The following ZKSCAN7 variants were observed in gnomAD, a reference collection of about 807,000 sequenced individuals.
ZKSCAN7 encodes zinc finger protein with KRAB and SCAN domains 7.
ZKSCAN7 carries 38 observed loss-of-function variants against 65.3 expected under a neutral mutation model. The observed-to-expected ratio is 0.58, with a 90% CI of 0.45 to 0.76. ZKSCAN7 has a LOEUF of 0.76. Ranked by LOEUF, ZKSCAN7 falls within the 30% of genes least tolerant of loss-of-function variation. ZKSCAN7 has a pLI of 0.00. For missense variants in ZKSCAN7, 815 were observed against 913.3 expected, an observed-to-expected ratio of 0.89 and a Z score of 1.39; for synonymous variants, 321 against 321.0, an observed-to-expected ratio of 1.00 and a Z score of 0.00.
chr3:44,573,314 GAC>G (rs1276019752), downstream of ZKSCAN7, among the ~76,000 whole-genome samples: 4 of 152,198 alleles, frequency 2.6e-5, no homozygotes, highest in Non-Finnish European at 5.9e-5. Flanking sequence ...TCCACAGTGT[GAC>G]AGAGTAGAGG....
chr3:44,582,722 C>T lies in ZKSCAN7; in HGVS notation c.812-250C>T, dbSNP rs528504892. ...TTAACATATATTCTAGTGACCCTTACGTTCTCTAAAATTTGAGAATTACTG... is the reference window on the plus strand; with the variant it reads ...TTAACATATATTCTAGTGACCCTTATGTTCTCTAAAATTTGAGAATTACTG... On this transcript the variant is annotated intron_variant, in intron 5 of 5. Coordinates refer to the ZKSCAN7 transcript ENST00000341840. 1.1e-4 allele frequency among the ~76,000 whole-genome samples: 17 copies of T among 152,188 alleles called. No homozygotes were observed. The South Asian group carries it at 1.7e-3, about 15-fold the overall frequency.
downstream of ZKSCAN7, among the ~76,000 whole-genome samples, chr3:44,575,024 G>A (rs1163537948): frequency 6.6e-6 from 1 of 152,080 alleles, no homozygotes; most frequent in Non-Finnish European, 1.5e-5. Flanking sequence ...CAGGTGTGGT[G>A]GCTCACACCT....
intron 5 of ZKSCAN7, chr3:44,580,950 A>T (rs1700064019): frequency 2.5e-6 from 4 of 1,612,312 alleles, no homozygotes; most frequent in Non-Finnish European, 3.4e-6. Flanking sequence ...GCGGGGCTGG[A>T]AGCAGTTCTG....
chr3:44,580,877 G>A (rs72860788), intron 5 of ZKSCAN7: 17 of 1,613,082 alleles, frequency 1.1e-5, no homozygotes, highest in Non-Finnish European at 1.4e-5. Context: ...GAGCCAGGAG[G>A]AGCCAACCGC....
intron 5 of ZKSCAN7, chr3:44,579,817 G>A (rs1374331008): frequency 3.1e-6 from 5 of 1,613,026 alleles, no homozygotes; most frequent in Non-Finnish European, 3.4e-6. Context: ...GGACAAACCA[G>A]TGTTTCTTCC....
At chr3:44,562,981 A>C (rs1037573937) in intron 2 of ZKSCAN7, among the ~76,000 whole-genome samples, 69 of 146,536 alleles carry the variant, frequency 4.7e-4, no homozygotes, top group Non-Finnish European at 7.4e-4. Flanking sequence ...AAAAACAAAA[A>C]AAAAAAAAGG....
At position 44,556,948 on chromosome 3, in the gene ZKSCAN7, C is replaced by G. The variant is rs950409766; in HGVS notation, c.-100C>G. On this transcript the variant is annotated 5_prime_UTR_variant, in exon 2 of 6. Transcript: ENST00000426540. ...TCTGTAGGCCACACTACCATCACCC[C>G]TTTCTCCAACCCTGAAAAACAGTTC... is the stretch of plus-strand genomic sequence containing the variant. 4 of 1,523,962 alleles carry G rather than the reference C, an allele frequency of 2.6e-6. No individual in the cohort carries two copies. The African/African-American group carries it at 5.6e-5, about 21-fold the overall frequency. 94.4% of individuals were successfully genotyped at this position (1,523,962 alleles called of 1,614,324 possible).
chr3:44,557,613 G>A, intron 2 of ZKSCAN7, 143 bp downstream of exon 2: 1 of 1,134,374 alleles, frequency 8.8e-7, no homozygotes, highest in East Asian at 2.6e-5. Context: ...AGGGAAAATA[G>A]TTTTGTGCTC....
chr3:44,578,073 A>G (rs761320222), intron 5 of ZKSCAN7: 10 of 1,590,400 alleles, frequency 6.3e-6, no homozygotes, highest in South Asian at 1.1e-5. Flanking sequence ...AGATTTCATT[A>G]TATCATATCC....
intron 3 of ZKSCAN7, among the ~76,000 whole-genome samples, chr3:44,566,958 A>T: frequency 1.3e-5 from 2 of 152,090 alleles, no homozygotes; most frequent in East Asian, 3.9e-4. Flanking sequence ...TCCTACTAAA[A>T]TACAAAAATT....
chr3:44,560,398 A>G (rs1699432512), intron 2 of ZKSCAN7, among the ~76,000 whole-genome samples: 1 of 152,178 alleles, frequency 6.6e-6, no homozygotes, highest in Non-Finnish European at 1.5e-5. Flanking sequence ...TTATTGCTGC[A>G]GAAGGAGCAT....
intron 5 of ZKSCAN7, among the ~76,000 whole-genome samples, chr3:44,578,563 C>G (rs200296408): frequency 5.3e-5 from 8 of 152,206 alleles, no homozygotes; most frequent in Non-Finnish European, 8.8e-5. Context: ...AGTACTGCTC[C>G]GAGAGGACCT....
rs770079141 is a variant in ZKSCAN7 at position 44,571,249 on chromosome 3, C to T, written c.2139C>T (p.His713=). The T allele has an allele frequency of 2.5e-6, 4 of 1,614,146 alleles. No individual in the cohort carries two copies. Among genetic ancestry groups the T allele is most frequent in the Non-Finnish European group, 2.5e-6 (3 of 1,180,018 alleles). Residue 713 remains histidine (H), a synonymous_variant, in exon 6 of 6, where the codon CAC becomes CAT. Coordinates refer to ENST00000426540, the MANE Select transcript of ZKSCAN7 (RefSeq NM_001288590.2). ...AGCTTATTGTACACCAGAGAGTCCA[C>T]ACCGGAGAGAAACCTTATGAATGTA... ...SSQLIVHQRV[H]TGEKPYECSE... is the part of the protein sequence containing the mutation.
chr3:44,562,372 G>A (rs1489573914), intron 2 of ZKSCAN7, among the ~76,000 whole-genome samples: 1 of 152,208 alleles, frequency 6.6e-6, no homozygotes, highest in Non-Finnish European at 1.5e-5. Flanking sequence ...TTTTCTCCTA[G>A]GCCTCCAGGC....
chr3:44,558,858 C>T lies in ZKSCAN7; in HGVS notation c.423+1388C>T, dbSNP rs368170560. Among the ~76,000 whole-genome samples, 50 of 142,914 alleles carry T rather than the reference C, an allele frequency of 3.5e-4. 1 individual carries two copies. In the East Asian group the frequency reaches 0.011, roughly 31 times the overall value. 93.8% of individuals were successfully genotyped at this position (142,914 alleles called of 152,430 possible). ...GCAGTGGCATGAACATGGCTCACTGCAAGCTCAGCCTCCTGGCTCAAGTGA... is the reference window on the plus strand; with the variant it reads ...GCAGTGGCATGAACATGGCTCACTGTAAGCTCAGCCTCCTGGCTCAAGTGA... On this transcript the variant is annotated intron_variant, in intron 2 of 5. Coordinates refer to ENST00000426540, the MANE Select transcript of ZKSCAN7 (RefSeq NM_001288590.2).
At chr3:44,567,613 AG>A (rs1486252375) in intron 3 of ZKSCAN7, among the ~76,000 whole-genome samples, 1 of 152,178 alleles carries the variant, frequency 6.6e-6, no homozygotes, top group Non-Finnish European at 1.5e-5. Context: ...GGGGAAAATC[AG>A]GGCTGGCTGG....
intron 2 of ZKSCAN7, 39 bp from the exon 3 acceptor site, chr3:44,565,448 G>C (rs1465559783): frequency 3.2e-6 from 5 of 1,547,846 alleles, no homozygotes; most frequent in Non-Finnish European, 4.4e-6. Context: ...TACCTTCAAG[G>C]ATGCTCTTTT....
At chr3:44,557,629 C>T (rs968876365) in intron 2 of ZKSCAN7, 159 bp downstream of exon 2, 11 of 980,566 alleles carry the variant, frequency 1.1e-5, no homozygotes, top group Non-Finnish European at 1.5e-5. Context: ...TGCTCCAAGC[C>T]ATAAACACAA....
chr3:44,563,611 C>T (rs1026421113), intron 2 of ZKSCAN7, among the ~76,000 whole-genome samples: 4 of 151,984 alleles, frequency 2.6e-5, no homozygotes, highest in African/African-American at 9.7e-5. Context: ...TTCATGAGAA[C>T]TCACTATTAC....
Sources: allele counts gnomAD v4.1 joint callset (sites outside exome capture counted in the v4.1 genomes callset), GRCh38; gene constraint gnomAD v4.1.1; transcripts MANE v1.5; gene names NCBI Gene and HGNC (gene_info 2026-07-23, HGNC 2026-07-21).